ERC2: variants seen among roughly 807,000 people sequenced by gnomAD.
The protein encoded by ERC2 is ERC protein 2.
A neutral mutation model predicts 114.8 loss-of-function variants in ERC2; 42 were observed. The ratio of observed to expected loss-of-function variants is 0.37; its 90% confidence interval spans 0.29 to 0.47. The LOEUF is 0.47. Among genes scored for constraint, ERC2 ranks in the 20% least tolerant of loss-of-function variants. ERC2 has a pLI of 0.99. For synonymous variants in ERC2, 454 were observed against 425.5 expected (o/e 1.07, Z -0.82); for missense variants, 939 against 1,150.7 (o/e 0.82, Z 2.66).
At chr3:55,602,433 C>T (rs1559725217) in intron 17 of ERC2, among the ~76,000 whole-genome samples, 1 of 152,196 alleles carries the variant, frequency 6.6e-6, no homozygotes, top group African/African-American at 2.4e-5. Context: ...GTATCTCAGA[C>T]AGAGGCACCA....
intron 2 of ERC2, among the ~76,000 whole-genome samples, chr3:56,349,115 TAGA>T (rs2058451199): frequency 1.3e-5 from 2 of 152,340 alleles, no homozygotes; most frequent in South Asian, 4.1e-4. Flanking sequence ...GAGTTTATTT[TAGA>T]AGAAGGTGGT....
intron 14 of ERC2, among the ~76,000 whole-genome samples, chr3:55,862,148 C>T (rs1292284382): frequency 6.6e-6 from 1 of 152,190 alleles, no homozygotes; most frequent in African/African-American, 2.4e-5. Context: ...CAAACACACA[C>T]ACATACACAT....
intron 17 of ERC2, among the ~76,000 whole-genome samples, chr3:55,523,231 T>G (rs181887810): frequency 8.7e-4 from 133 of 152,338 alleles, no homozygotes; most frequent in Non-Finnish European, 8.8e-4. Flanking sequence ...GACCCATGGA[T>G]ATACCAGTGG....
intron 16 of ERC2, among the ~76,000 whole-genome samples, chr3:55,689,131 C>T (rs538924443): frequency 1.3e-5 from 2 of 152,260 alleles, no homozygotes; most frequent in African/African-American, 4.8e-5. Context: ...AGCAAGTTCA[C>T]CTCACTAGGA....
chr3:56,131,027 C>A (rs574242606), intron 6 of ERC2, among the ~76,000 whole-genome samples: 1 of 152,182 alleles, frequency 6.6e-6, no homozygotes, highest in East Asian at 1.9e-4. Context: ...TTTGGCACTA[C>A]CATCATCCAT....
intron 6 of ERC2, among the ~76,000 whole-genome samples, chr3:56,094,418 T>C (rs555829038): frequency 1.3e-5 from 2 of 152,326 alleles, no homozygotes; most frequent in South Asian, 2.1e-4. Flanking sequence ...AGTAGAGCTA[T>C]GGCTTAAAGC....
Position 55,834,401 on chromosome 3 carries a change from A to G in ERC2, c.2564+53988T>C, listed in dbSNP as rs545091284. Among the ~76,000 whole-genome samples, 127 of 152,330 alleles carry G rather than the reference A, an allele frequency of 8.3e-4. 3 individuals are homozygous for G. The South Asian group carries it at 0.025, about 30-fold the overall frequency. On this transcript the variant is annotated intron_variant, in intron 14 of 17. Coordinates refer to ENST00000288221, the MANE Select transcript of ERC2 (RefSeq NM_015576.3). Reference sequence around the variant, plus strand: ...CAAATGTAAAAGAACAGAAGTTATAACAAATGGTCTCTCAGACCACAGTGC... The same window carrying G: ...CAAATGTAAAAGAACAGAAGTTATAGCAAATGGTCTCTCAGACCACAGTGC...
chr3:56,153,454 G>A (rs147421537), intron 4 of ERC2, among the ~76,000 whole-genome samples: 60 of 152,280 alleles, frequency 3.9e-4, no homozygotes, highest in Admixed American at 7.2e-4. Flanking sequence ...TACATGTCCA[G>A]AAGACACAAG....
intron 2 of ERC2, among the ~76,000 whole-genome samples, chr3:56,402,380 C>T (rs139426077): frequency 6.6e-5 from 10 of 152,306 alleles, no homozygotes; most frequent in African/African-American, 2.4e-4. Flanking sequence ...TAATGGAAAA[C>T]TGACATGGCA....
rs2053539679 is a variant in ERC2 at position 55,529,487 on chromosome 3, A to T, written c.*40-18211T>A. ...GTATTGCAGTTCCAAGAGTAGCCTA[A>T]CCTTTACAAAGGTTACTTTGCAAAT... On this transcript the variant is annotated intron_variant, in intron 17 of 17. Coordinates refer to ENST00000288221, the MANE Select transcript of ERC2 (RefSeq NM_015576.3). Among the ~76,000 whole-genome samples the T allele has an allele frequency of 2.0e-5, 3 of 152,332 alleles. No homozygotes were observed. The South Asian group carries it at 6.2e-4, about 32-fold the overall frequency.
At chr3:55,961,596 C>G (rs1039007316) in intron 12 of ERC2, among the ~76,000 whole-genome samples, 1 of 152,158 alleles carries the variant, frequency 6.6e-6, no homozygotes, top group African/African-American at 2.4e-5. Flanking sequence ...TTGCCACCAA[C>G]AGATTTCTGC....
intron 6 of ERC2, among the ~76,000 whole-genome samples, chr3:56,084,625 T>G (rs1349498590): frequency 6.6e-6 from 1 of 152,122 alleles, no homozygotes; most frequent in Non-Finnish European, 1.5e-5. Flanking sequence ...ATACTGCATG[T>G]TCTCACTTCT....
chr3:55,906,634 A>G (rs1168739219), intron 13 of ERC2, among the ~76,000 whole-genome samples: 16 of 152,182 alleles, frequency 1.1e-4, no homozygotes. Context: ...TGCATGTTCA[A>G]GTTCCAGAAC....
intron 17 of ERC2, among the ~76,000 whole-genome samples, chr3:55,609,860 G>A (rs2058812373): frequency 6.6e-6 from 1 of 151,752 alleles, no homozygotes; most frequent in Non-Finnish European, 1.5e-5. Context: ...TCTCTCCTTG[G>A]AGCTCAGACA....
chr3:55,566,921 G>C (rs2056413489), intron 17 of ERC2, among the ~76,000 whole-genome samples: 1 of 151,734 alleles, frequency 6.6e-6, no homozygotes, highest in Non-Finnish European at 1.5e-5. Context: ...GGCTAGTCTG[G>C]AACTCCTGAC....
At chr3:56,211,969 T>A (rs2150124504) in intron 3 of ERC2, among the ~76,000 whole-genome samples, 1 of 152,224 alleles carries the variant, frequency 6.6e-6, no homozygotes, top group Non-Finnish European at 1.5e-5. Flanking sequence ...GATCAAAGAC[T>A]CAAATCTGAA....
intron 8 of ERC2, among the ~76,000 whole-genome samples, chr3:56,016,069 T>C (rs1376632359): frequency 6.6e-6 from 1 of 152,226 alleles, no homozygotes; most frequent in Non-Finnish European, 1.5e-5. Flanking sequence ...TTGTTTCTTG[T>C]AAACTTGTTT....
At chr3:55,668,739 A>G (rs1163836847) in intron 17 of ERC2, among the ~76,000 whole-genome samples, 1 of 152,220 alleles carries the variant, frequency 6.6e-6, no homozygotes, top group Non-Finnish European at 1.5e-5. Flanking sequence ...TGGCAATTAT[A>G]GATTATGCAA....
In ERC2 at chr3:55,508,436, G is replaced by T. The variant is rs1236404441; in HGVS notation, c.*2880C>A. 1.3e-5 allele frequency: 2 copies of T among 152,610 alleles called. No individual in the cohort carries two copies. The highest frequency in any genetic ancestry group is 4.8e-5 in the African/African-American group (2 of 41,442). The allele number at this position is 152,610 out of a possible 1,614,324, so 9.5% of individuals were successfully genotyped here. Reference sequence around the variant, plus strand: ...TGTACATTGTTCTACTAGACACGAGGTTACAATGACTGGCTAATACATGCC... The same window carrying T: ...TGTACATTGTTCTACTAGACACGAGTTTACAATGACTGGCTAATACATGCC... On this transcript the variant is annotated 3_prime_UTR_variant, in exon 18 of 18. Coordinates refer to ENST00000288221, the MANE Select transcript of ERC2 (RefSeq NM_015576.3).
Sources: gnomAD v4.1 joint callset for allele counts (sites outside exome capture counted in the v4.1 genomes callset) on GRCh38, gnomAD v4.1.1 for gene constraint, MANE v1.5 for transcripts, NCBI Gene and HGNC (gene_info 2026-07-23, HGNC 2026-07-21) for gene names.